The following PDE4D variants were observed in gnomAD, a reference collection of about 807,000 sequenced individuals.
PDE4D encodes the protein phosphodiesterase 4D, also known as 3',5'-cyclic-AMP phosphodiesterase 4D.
A neutral mutation model predicts 87.4 loss-of-function variants in PDE4D; 24 were observed. The ratio of observed to expected loss-of-function variants is 0.27; its 90% CI spans 0.20 to 0.39. The LOEUF is 0.39. Among genes scored for constraint, PDE4D ranks in the 10% least tolerant of loss-of-function variants. The pLI, the probability that PDE4D is intolerant of heterozygous loss-of-function variation, is 1.00. For missense variants in PDE4D, 714 were observed against 1,041.0 expected (o/e 0.69, Z 4.32); for synonymous variants, 384 against 383.2 (o/e 1.00, Z -0.02).
chr5:59,513,862 T>C (rs1236315965), intron 1 of PDE4D, among the ~76,000 whole-genome samples: 2 of 152,166 alleles, frequency 1.3e-5, no homozygotes, highest in African/African-American at 2.4e-5. Flanking sequence ...AAGATACAGG[T>C]TTAAATCTCA....
chr5:60,185,204 G>T (rs1298651371), intron 2 of PDE4D, among the ~76,000 whole-genome samples: 1 of 152,098 alleles, frequency 6.6e-6, no homozygotes, highest in East Asian at 1.9e-4. Context: ...TATGCTTTTA[G>T]ACTTGCCCAG....
intron 1 of PDE4D, among the ~76,000 whole-genome samples, chr5:59,843,279 T>C (rs1743312656): frequency 6.6e-6 from 1 of 152,026 alleles, no homozygotes; most frequent in South Asian, 2.1e-4. Context: ...GAATTAGAAA[T>C]ATGGTCTGTT....
intron 3 of PDE4D, among the ~76,000 whole-genome samples, chr5:59,942,736 A>G (rs1157024841): frequency 6.6e-6 from 1 of 152,040 alleles, no homozygotes; most frequent in African/African-American, 2.4e-5. Context: ...CTAGAATAGG[A>G]TCGGCTGTGA....
intron 1 of PDE4D, among the ~76,000 whole-genome samples, chr5:59,880,828 A>G (rs778553637): frequency 6.6e-6 from 1 of 151,928 alleles, no homozygotes; most frequent in Non-Finnish European, 1.5e-5. Flanking sequence ...CCCTAAATAC[A>G]TTTTTTTCTG....
intron 1 of PDE4D, among the ~76,000 whole-genome samples, chr5:60,282,033 A>T (rs1206385448): frequency 6.6e-6 from 1 of 151,526 alleles, no homozygotes; most frequent in Non-Finnish European, 1.5e-5. Flanking sequence ...AAAAAGGAAA[A>T]AAAAATGAGA....
intron 6 of PDE4D, among the ~76,000 whole-genome samples, chr5:58,997,873 TAAAAC>T (rs1426666653): frequency 6.6e-6 from 1 of 152,114 alleles, no homozygotes; most frequent in Non-Finnish European, 1.5e-5. Context: ...ACTAAAATAA[TAAAAC>T]AAAATGTCCT....
chr5:60,039,482 G>A lies in PDE4D; in HGVS notation c.43-50765C>T, dbSNP rs1238696995. Among the ~76,000 whole-genome samples, 6 of 151,736 alleles carry A rather than the reference G, an allele frequency of 4.0e-5. No individual in the cohort carries two copies. The South Asian group carries it at 1.3e-3, about 32-fold the overall frequency. ...GATAGCTTTAGGAGATATACCTAATGCTAAATGACAAGTTAATGGGTGCAG... is the reference window on the plus strand; with the variant it reads ...GATAGCTTTAGGAGATATACCTAATACTAAATGACAAGTTAATGGGTGCAG... On this transcript the variant is annotated intron_variant, in intron 2 of 16. Transcript: ENST00000502484.
At chr5:59,476,436 A>G (rs2153654247) in intron 1 of PDE4D, among the ~76,000 whole-genome samples, 1 of 152,228 alleles carries the variant, frequency 6.6e-6, no homozygotes, top group Non-Finnish European at 1.5e-5. Context: ...AAAAAATGCT[A>G]ACTTATTTTA....
At chr5:59,244,662 G>A (rs375449185) in intron 1 of PDE4D, among the ~76,000 whole-genome samples, 1 of 128,524 alleles carries the variant, frequency 7.8e-6, no homozygotes, top group African/African-American at 2.8e-5. Flanking sequence ...ATAGATATAT[G>A]TATGTATGTG....
chr5:59,409,105 A>C (rs1056919759), intron 1 of PDE4D, among the ~76,000 whole-genome samples: 1 of 150,858 alleles, frequency 6.6e-6, no homozygotes, highest in South Asian at 2.1e-4. Flanking sequence ...CCAAGATTGC[A>C]CCATTGCACT....
At chr5:59,220,266 C>T (rs1581446291) in intron 1 of PDE4D, among the ~76,000 whole-genome samples, 1 of 150,420 alleles carries the variant, frequency 6.6e-6, no homozygotes, top group South Asian at 2.1e-4. Context: ...CCTGTAATCC[C>T]GACACTTTAG....
chr5:59,457,392 T>C (rs1022683155), intron 1 of PDE4D, among the ~76,000 whole-genome samples: 2 of 152,240 alleles, frequency 1.3e-5, no homozygotes, highest in African/African-American at 4.8e-5. Context: ...AGACATGCTA[T>C]TGAATACTTA....
chr5:59,570,786 A>G (rs752757064), intron 1 of PDE4D, among the ~76,000 whole-genome samples: 3 of 152,242 alleles, frequency 2.0e-5, no homozygotes, highest in Non-Finnish European at 2.9e-5. Context: ...TAGTGGACTT[A>G]GATTAAGTAA....
chr5:59,716,288 T>C (rs1755015218), intron 1 of PDE4D, among the ~76,000 whole-genome samples: 1 of 152,218 alleles, frequency 6.6e-6, no homozygotes, highest in African/African-American at 2.4e-5. Context: ...CTGCTGACGC[T>C]GTACATACAT....
At chr5:59,595,905 A>G (rs1299499633) in intron 1 of PDE4D, among the ~76,000 whole-genome samples, 1 of 152,046 alleles carries the variant, frequency 6.6e-6, no homozygotes, top group Non-Finnish European at 1.5e-5. Flanking sequence ...TATTCTTCCT[A>G]CTTTTAGAAT....
intron 1 of PDE4D, among the ~76,000 whole-genome samples, chr5:59,815,967 G>A (rs538369749): frequency 6.6e-6 from 1 of 152,234 alleles, no homozygotes; most frequent in Non-Finnish European, 1.5e-5. Context: ...TAACTTTCGG[G>A]ATTTAGAACT....
At chr5:59,238,926 T>C (rs893897232) in intron 1 of PDE4D, among the ~76,000 whole-genome samples, 1 of 152,204 alleles carries the variant, frequency 6.6e-6, no homozygotes, top group Non-Finnish European at 1.5e-5. Context: ...CAGAGATATT[T>C]ATTGCCTAGA....
chr5:59,023,005 C>T (rs1406298263), intron 6 of PDE4D, among the ~76,000 whole-genome samples: 1 of 152,038 alleles, frequency 6.6e-6, no homozygotes, highest in African/African-American at 2.4e-5. Flanking sequence ...GAAACCCTGT[C>T]TCTACTAAAA....
intron 2 of PDE4D, among the ~76,000 whole-genome samples, chr5:60,154,356 G>T (rs1781778494): frequency 6.6e-6 from 1 of 151,964 alleles, no homozygotes; most frequent in Non-Finnish European, 1.5e-5. Flanking sequence ...GGCTCACTGA[G>T]AACTCTGTCT....
Sources: allele counts gnomAD v4.1 joint callset (sites outside exome capture counted in the v4.1 genomes callset), GRCh38; gene constraint gnomAD v4.1.1; transcripts MANE v1.5; gene names NCBI Gene and HGNC (gene_info 2026-07-23, HGNC 2026-07-21).